The following SATB2 variants were observed in gnomAD, a reference collection of about 807,000 sequenced individuals.
The protein encoded by SATB2 is DNA-binding protein SATB2.
Under a neutral mutation model 73.4 loss-of-function variants are expected in SATB2, and 1 was observed. That is an observed-to-expected ratio of 0.01 (90% confidence interval 0.00 to 0.06). The LOEUF (loss-of-function observed/expected upper bound fraction) is 0.06. Ranked by LOEUF, SATB2 falls within the 10% of genes least tolerant of loss-of-function variation. The pLI is 1.00. For synonymous variants in SATB2, 397 were observed against 367.0 expected (o/e 1.08, Z -0.93); for missense variants, 459 against 945.8 (o/e 0.49, Z 6.75).
chr2:199,420,641 C>T (rs923281713), intron 3 of SATB2, among the ~76,000 whole-genome samples: 5 of 152,084 alleles, frequency 3.3e-5, no homozygotes, highest in Admixed American at 6.5e-5. Context: ...GAGACTCAGA[C>T]AAATTCATAA....
intron 3 of SATB2, among the ~76,000 whole-genome samples, chr2:199,410,157 G>A (rs1262172196): frequency 6.6e-6 from 1 of 152,194 alleles, no homozygotes; most frequent in Non-Finnish European, 1.5e-5. Context: ...TAAAACCTTT[G>A]TTTAAAGGAA....
intron 2 of SATB2, among the ~76,000 whole-genome samples, chr2:199,448,948 T>C (rs919939454): frequency 4.6e-5 from 7 of 152,286 alleles, no homozygotes; most frequent in Non-Finnish European, 8.8e-5. Flanking sequence ...AAAATTGAAA[T>C]ATATTTCCCC....
intron 10 of SATB2, among the ~76,000 whole-genome samples, chr2:199,302,263 T>C (rs1418100926): frequency 6.6e-6 from 1 of 152,166 alleles, no homozygotes; most frequent in Non-Finnish European, 1.5e-5. Flanking sequence ...TTCAGTACAC[T>C]TTGGAAGATA....
chr2:199,355,481 T>C (rs1688955082), intron 6 of SATB2, among the ~76,000 whole-genome samples: 1 of 151,760 alleles, frequency 6.6e-6, no homozygotes, highest in Non-Finnish European at 1.5e-5. Flanking sequence ...TCCAATGACT[T>C]AGTGCCCCAA....
rs145306719 is a variant in SATB2, at chr2:199,290,596, A to G, written c.1741-17924T>C. ...ATCATAGTTTATAATAATTTGATAC[A>G]TGCACACATACACTTTGTATACAGG... is the stretch of plus-strand genomic sequence containing the variant. On this transcript the variant is annotated intron_variant, in intron 10 of 10. Transcript: ENST00000417098. 6.1e-3 allele frequency among the ~76,000 whole-genome samples: 931 copies of G among 152,362 alleles called. 8 individuals carry two copies. Among genetic ancestry groups the G allele is most frequent in the African/African-American group, 0.021 (869 of 41,588 alleles).
At chr2:199,367,141 C>T (rs780609443) in intron 6 of SATB2, among the ~76,000 whole-genome samples, 2 of 152,116 alleles carry the variant, frequency 1.3e-5, no homozygotes, top group Non-Finnish European at 2.9e-5. Context: ...TTTAACAATC[C>T]TATTTTAAAA....
chr2:199,461,377 T>C (rs1257931089), upstream of SATB2, among the ~76,000 whole-genome samples: 2 of 152,266 alleles, frequency 1.3e-5, no homozygotes, highest in African/African-American at 4.8e-5. Flanking sequence ...TAGAATTTTG[T>C]ATTGTTTAAA....
At chr2:199,413,230 T>A (rs1690875923) in intron 3 of SATB2, among the ~76,000 whole-genome samples, 1 of 152,216 alleles carries the variant, frequency 6.6e-6, no homozygotes, top group African/African-American at 2.4e-5. Context: ...TTTCTTAGCA[T>A]CACAGCTTTT....
intron 7 of SATB2, among the ~76,000 whole-genome samples, chr2:199,341,950 G>A (rs1197093477): frequency 6.6e-6 from 1 of 152,168 alleles, no homozygotes; most frequent in African/African-American, 2.4e-5. Flanking sequence ...GCCTGGTCCT[G>A]CAGAGCGCTC....
Position 199,463,733 on chromosome 2 carries a change from G to A in SATB2, c.-141+1103C>T, listed in dbSNP as rs1692531867. 6.6e-6 allele frequency among the ~76,000 whole-genome samples: 1 copy of A among 152,186 alleles called. No homozygotes were observed. The highest frequency in any genetic ancestry group is 6.5e-5 in the Admixed American group (1 of 15,294). ...GGGCCACTCAACACAAAAACGCCCT[G>A]GCGCGTGCAAAATACGAACGCCCAC... On this transcript the variant is annotated intron_variant, in intron 1 of 11. Transcript: ENST00000260926. This position sits in a 1 kb window ranked among gnomAD's most constrained non-coding sequence, Gnocchi z 6.4.
intron 10 of SATB2, among the ~76,000 whole-genome samples, chr2:199,284,974 T>TG (rs1692642539): frequency 6.6e-6 from 1 of 152,126 alleles, no homozygotes; most frequent in Non-Finnish European, 1.5e-5. Flanking sequence ...CTACACCATT[T>TG]TACATAAGGG....
chr2:199,301,447 C>A (rs556590277), intron 10 of SATB2, among the ~76,000 whole-genome samples: 27 of 152,280 alleles, frequency 1.8e-4, no homozygotes, highest in Non-Finnish European at 2.8e-4. Flanking sequence ...TACAAGTGAT[C>A]TATGGCCAGG....
chr2:199,432,718 A>G (rs1284444836), intron 3 of SATB2, among the ~76,000 whole-genome samples: 1 of 152,128 alleles, frequency 6.6e-6, no homozygotes, highest in Non-Finnish European at 1.5e-5. Flanking sequence ...AATGGGCTAT[A>G]CTTCAAAATG....
chr2:199,412,199 T>A (rs545456187), intron 3 of SATB2, among the ~76,000 whole-genome samples: 19 of 152,288 alleles, frequency 1.2e-4, no homozygotes, highest in African/African-American at 4.6e-4. Context: ...AAGGACACAG[T>A]GATGCATACT....
chr2:199,466,950 G>T (rs1035377744), upstream of SATB2, among the ~76,000 whole-genome samples: 3 of 152,232 alleles, frequency 2.0e-5, no homozygotes, highest in South Asian at 6.2e-4. Flanking sequence ...ACAGTTATGC[G>T]CCGTGAACTC....
At chr2:199,318,617 G>C (rs1687799956) in intron 9 of SATB2, among the ~76,000 whole-genome samples, 1 of 151,924 alleles carries the variant, frequency 6.6e-6, no homozygotes, top group Non-Finnish European at 1.5e-5. Flanking sequence ...ATGAAATCAT[G>C]GGTGATCCAT....
intron 7 of SATB2, among the ~76,000 whole-genome samples, chr2:199,336,978 A>T (rs1464754368): frequency 6.6e-6 from 1 of 152,198 alleles, no homozygotes. Context: ...TGTGATACAT[A>T]CTAAGAGTTT....
intron 10 of SATB2, among the ~76,000 whole-genome samples, chr2:199,299,307 CT>C (rs1463470892): frequency 6.6e-6 from 1 of 152,154 alleles, no homozygotes; most frequent in East Asian, 1.9e-4. Context: ...ATGTAAATCA[CT>C]TTAGACTCTA....
At chr2:199,443,704 C>A (rs571818723) in intron 2 of SATB2, among the ~76,000 whole-genome samples, 20 of 152,164 alleles carry the variant, frequency 1.3e-4, no homozygotes, top group Non-Finnish European at 2.5e-4. Context: ...AGACAGGCAA[C>A]TACCACCACC....
Sources: allele counts gnomAD v4.1 joint callset (sites outside exome capture counted in the v4.1 genomes callset), GRCh38; gene constraint gnomAD v4.1.1; non-coding constraint Gnocchi (gnomAD v3.1); transcripts MANE v1.5; gene names NCBI Gene and HGNC (gene_info 2026-07-23, HGNC 2026-07-21).